Variants in PTPRN2 observed in about 807,000 individuals in gnomAD.
The protein encoded by PTPRN2 is receptor-type tyrosine-protein phosphatase N2.
In PTPRN2, 74 loss-of-function variants were observed where a neutral mutation model predicts 118.8. That is an observed-to-expected ratio of 0.62 (90% CI 0.52 to 0.76). The LOEUF (loss-of-function observed/expected upper bound fraction) is 0.76, where lower values mean the gene tolerates loss of function less well. PTPRN2 is among the 30% of genes least tolerant of loss of function. PTPRN2 has a pLI of 0.00. For synonymous variants in PTPRN2, 641 were observed against 608.0 expected, an observed-to-expected ratio of 1.05 and a Z score of -0.80; for missense variants, 1,481 against 1,394.4, an observed-to-expected ratio of 1.06 and a Z score of -0.99.
At chr7:158,262,850 A>C (rs1328966320) in intron 3 of PTPRN2, among the ~76,000 whole-genome samples, 1 of 145,696 alleles carries the variant, frequency 6.9e-6, no homozygotes, top group African/African-American at 2.6e-5. Context: ...ACACACATAC[A>C]TACATTCACA....
intron 12 of PTPRN2, among the ~76,000 whole-genome samples, chr7:157,786,934 G>C (rs1158263701): frequency 6.6e-6 from 1 of 152,184 alleles, no homozygotes; most frequent in Middle Eastern, 3.2e-3. Context: ...CTGCACCACC[G>C]CACACAGAGT....
Position 158,529,392 on chromosome 7 carries a change from C to G in PTPRN2, c.113-39607G>C, listed in dbSNP as rs1389663888. The stretch of plus-strand genomic sequence containing the variant: ...GTCGGCAGAGGAAGGTGGGAAGGCC[C>G]AGGGGAGGCCAGCAGGAGGACGGAC... On this transcript the variant is annotated intron_variant, in intron 1 of 22. Coordinates refer to ENST00000389418, the MANE Select transcript of PTPRN2 (RefSeq NM_002847.5). The surrounding 1 kb of genome is among the most constrained non-coding windows in gnomAD (Gnocchi z 4.7). Among the ~76,000 whole-genome samples the G allele has an allele frequency of 6.6e-6, 1 of 152,190 alleles. No individual in the cohort carries two copies. Among genetic ancestry groups the G allele is most frequent in the Admixed American group, 6.5e-5 (1 of 15,280 alleles).
chr7:158,020,674 T>A (rs1806808441), intron 11 of PTPRN2, among the ~76,000 whole-genome samples: 1 of 151,970 alleles, frequency 6.6e-6, no homozygotes, highest in African/African-American at 2.4e-5. Flanking sequence ...CTGTCTCAGC[T>A]CCCAAAGCCC....
chr7:157,896,461 C>G (rs145592316), intron 12 of PTPRN2, among the ~76,000 whole-genome samples: 2 of 151,064 alleles, frequency 1.3e-5, no homozygotes, highest in African/African-American at 4.9e-5. Flanking sequence ...GAAGGAGCTC[C>G]GTTGTGAGTG....
intron 11 of PTPRN2, among the ~76,000 whole-genome samples, chr7:157,947,919 G>A (rs1432703886): frequency 6.6e-6 from 1 of 152,188 alleles, no homozygotes; most frequent in Non-Finnish European, 1.5e-5. Context: ...TGTGCTGAAA[G>A]AAAAATAACT....
chr7:158,491,635 G>A (rs752218623), intron 1 of PTPRN2, among the ~76,000 whole-genome samples: 3 of 152,070 alleles, frequency 2.0e-5, no homozygotes, highest in Non-Finnish European at 2.9e-5. Context: ...GACTACAGGC[G>A]TGCGCCAGCA....
intron 12 of PTPRN2, among the ~76,000 whole-genome samples, chr7:157,811,050 T>A (rs988580596): frequency 6.6e-6 from 1 of 151,860 alleles, no homozygotes; most frequent in African/African-American, 2.4e-5. Context: ...GGCAGGCGGA[T>A]CACGAAGTCA....
At chr7:158,367,122 G>A (rs578135272) in intron 2 of PTPRN2, among the ~76,000 whole-genome samples, 2 of 152,294 alleles carry the variant, frequency 1.3e-5, no homozygotes. Flanking sequence ...CCAGGCTGCA[G>A]GGACACCCAC....
At chr7:158,363,204 G>A (rs1809143862) in intron 2 of PTPRN2, among the ~76,000 whole-genome samples, 1 of 152,110 alleles carries the variant, frequency 6.6e-6, no homozygotes, top group Admixed American at 6.5e-5. Context: ...CACTAGGGAG[G>A]CCAGGAGAGG....
chr7:158,365,201 C>A (rs1306489639), intron 2 of PTPRN2, among the ~76,000 whole-genome samples: 1 of 152,214 alleles, frequency 6.6e-6, no homozygotes, highest in Non-Finnish European at 1.5e-5. Flanking sequence ...TCCTTGCGAG[C>A]GCCTCACGTG....
At chr7:158,062,730 A>G (rs1321435495) in intron 11 of PTPRN2, among the ~76,000 whole-genome samples, 2 of 152,292 alleles carry the variant, frequency 1.3e-5, no homozygotes, top group East Asian at 3.9e-4. Flanking sequence ...GCAGCTGCGG[A>G]GGGTGTGCCG....
intron 11 of PTPRN2, among the ~76,000 whole-genome samples, chr7:157,901,358 G>A (rs1238451280): frequency 6.6e-6 from 1 of 152,034 alleles, no homozygotes; most frequent in Non-Finnish European, 1.5e-5. Flanking sequence ...CACACATGGG[G>A]ACCGAATTTC....
intron 5 of PTPRN2, among the ~76,000 whole-genome samples, chr7:158,186,434 C>A (rs542892006): frequency 6.6e-6 from 1 of 152,190 alleles, no homozygotes; most frequent in Non-Finnish European, 1.5e-5. Context: ...CTGCACCCTA[C>A]GTCCATCGTA....
intron 3 of PTPRN2, among the ~76,000 whole-genome samples, chr7:158,215,353 G>A (rs1235002410): frequency 6.6e-6 from 1 of 152,068 alleles, no homozygotes; most frequent in Non-Finnish European, 1.5e-5. Flanking sequence ...ACATGATAAA[G>A]CTTCAGCAAC....
chr7:158,009,169 T>C (rs942011869), intron 11 of PTPRN2, among the ~76,000 whole-genome samples: 3 of 152,090 alleles, frequency 2.0e-5, no homozygotes, highest in Non-Finnish European at 2.9e-5. Context: ...AAGGTTCCCA[T>C]GCACAAGGCG....
At chr7:158,174,465 C>T (rs1237488145) in intron 5 of PTPRN2, among the ~76,000 whole-genome samples, 1 of 151,856 alleles carries the variant, frequency 6.6e-6, no homozygotes, top group East Asian at 1.9e-4. Context: ...TCACCTCAAC[C>T]ATCAGCTTCC....
intron 12 of PTPRN2, among the ~76,000 whole-genome samples, chr7:157,822,011 T>C (rs1250493902): frequency 6.6e-6 from 1 of 151,062 alleles, no homozygotes; most frequent in Non-Finnish European, 1.5e-5. Context: ...TACTCATCTA[T>C]CCATCCCTCC....
Position 158,457,126 on chromosome 7 carries a change from C to T in PTPRN2, c.163+32609G>A, listed in dbSNP as rs185407012. On this transcript the variant is annotated intron_variant, in intron 2 of 22. Coordinates refer to ENST00000389418, the MANE Select transcript of PTPRN2 (RefSeq NM_002847.5). Reference sequence around the variant, plus strand: ...CATACGTCTACACAGCAATGGCGCACGCAGGGTGGATTCAGTGTTTGTGGT... The same window carrying T: ...CATACGTCTACACAGCAATGGCGCATGCAGGGTGGATTCAGTGTTTGTGGT... Among the ~76,000 whole-genome samples the T allele has an allele frequency of 2.5e-3, 380 of 152,278 alleles. 1 individual carries two copies. Among genetic ancestry groups the T allele is most frequent in the African/African-American group, 7.8e-3 (326 of 41,548 alleles).
At chr7:158,184,804 C>T (rs1472298412) in intron 5 of PTPRN2, among the ~76,000 whole-genome samples, 2 of 151,970 alleles carry the variant, frequency 1.3e-5, no homozygotes, top group African/African-American at 4.8e-5. Flanking sequence ...GAAGAATGAA[C>T]TTCCGTCTCA....
Sources: allele counts gnomAD v4.1 joint callset (sites outside exome capture counted in the v4.1 genomes callset), GRCh38; gene constraint gnomAD v4.1.1; non-coding constraint Gnocchi (gnomAD v3.1); transcripts MANE v1.5; gene names NCBI Gene and HGNC (gene_info 2026-07-23, HGNC 2026-07-21).